The following POPDC1 variants were observed in gnomAD, a reference collection of about 807,000 sequenced individuals.
POPDC1 encodes the protein popeye domain-containing protein 1.
chr6:105,133,247 T>C, the POPDC1 span: 1 of 858,672 alleles, frequency 1.2e-6, no homozygotes, highest in South Asian at 1.8e-5. Flanking sequence ...TTACATTTTT[T>C]GGCTTGCTAT....
the POPDC1 span, among the ~76,000 whole-genome samples, chr6:105,120,765 A>C: frequency 6.6e-6 from 1 of 152,244 alleles, no homozygotes; most frequent in Non-Finnish European, 1.5e-5. Context: ...GGGATCTGCC[A>C]CATGTGCTAG....
At chr6:105,131,334 T>C in the POPDC1 span, among the ~76,000 whole-genome samples, 8,300 of 152,310 alleles carry the variant, frequency 0.054, 249 homozygotes, top group Middle Eastern at 0.15. Context: ...AATGGGAGGA[T>C]AGAGAAAAAC....
At chr6:105,132,399 G>A in the POPDC1 span, among the ~76,000 whole-genome samples, 1 of 152,068 alleles carries the variant, frequency 6.6e-6, no homozygotes, top group African/African-American at 2.4e-5. Context: ...CAAAATCCAG[G>A]TCCCATGTCA....
chr6:105,131,966 C>CT, the POPDC1 span, among the ~76,000 whole-genome samples: 8,931 of 136,094 alleles, frequency 0.066, 575 homozygotes, highest in African/African-American at 0.16. Flanking sequence ...TCATTTATCA[C>CT]TTTTTTTTTT....
the POPDC1 span, among the ~76,000 whole-genome samples, chr6:105,111,009 A>G: frequency 3.9e-5 from 6 of 152,316 alleles, no homozygotes; most frequent in South Asian, 1.2e-3. Context: ...CTTGACACTA[A>G]TAACAAACAA....
At chr6:105,135,081 T>C in the POPDC1 span, among the ~76,000 whole-genome samples, 2 of 152,042 alleles carry the variant, frequency 1.3e-5, no homozygotes, top group Non-Finnish European at 2.9e-5. Context: ...ATTACATAGG[T>C]TAATAATAAC....
At chr6:105,113,831 T>A in the POPDC1 span, among the ~76,000 whole-genome samples, 4 of 146,936 alleles carry the variant, frequency 2.7e-5, no homozygotes, top group East Asian at 2.0e-4. Flanking sequence ...TTTTTTTTTT[T>A]ATAGAGACAA....
the POPDC1 span, chr6:105,100,879 C>T: frequency 5.0e-6 from 2 of 397,594 alleles, no homozygotes; most frequent in Non-Finnish European, 8.7e-6. Flanking sequence ...AGTCAGAAGG[C>T]TCAGTAAAAC....
the POPDC1 span, among the ~76,000 whole-genome samples, chr6:105,135,904 G>A: frequency 6.6e-6 from 1 of 152,156 alleles, no homozygotes; most frequent in Non-Finnish European, 1.5e-5. Flanking sequence ...AGGTTAGACT[G>A]CTAAATTGGT....
the POPDC1 span, among the ~76,000 whole-genome samples, chr6:105,134,169 A>G: frequency 6.6e-6 from 1 of 152,122 alleles, no homozygotes; most frequent in East Asian, 1.9e-4. Context: ...ATATATGCAA[A>G]TAATATATAG....
the POPDC1 span, among the ~76,000 whole-genome samples, chr6:105,102,916 A>G: frequency 6.6e-6 from 1 of 152,220 alleles, no homozygotes; most frequent in Non-Finnish European, 1.5e-5. Context: ...TTTACAGCAA[A>G]AATACTGAGT....
chr6:105,106,100 G>A, the POPDC1 span, among the ~76,000 whole-genome samples: 1 of 151,922 alleles, frequency 6.6e-6, no homozygotes, highest in Admixed American at 6.6e-5. Flanking sequence ...TTTTTTTTCT[G>A]TTAGCTATAA....
At chr6:105,112,596 AT>A in the POPDC1 span, among the ~76,000 whole-genome samples, 1 of 152,232 alleles carries the variant, frequency 6.6e-6, no homozygotes, top group South Asian at 2.1e-4. Context: ...AAAAATTTTA[AT>A]TGAAATGGAT....
At chr6:105,111,166 A>T in the POPDC1 span, among the ~76,000 whole-genome samples, 1 of 152,210 alleles carries the variant, frequency 6.6e-6, no homozygotes, top group Non-Finnish European at 1.5e-5. Context: ...TGCATTGCCT[A>T]CATTGTCTTG....
chr6:105,101,193 G>A, the POPDC1 span: 14 of 1,612,124 alleles, frequency 8.7e-6, no homozygotes, highest in South Asian at 4.4e-5. Flanking sequence ...GCAGAGGCTC[G>A]CTGGTGTGGG....
At chr6:105,123,965 T>C in the POPDC1 span, among the ~76,000 whole-genome samples, 1 of 152,162 alleles carries the variant, frequency 6.6e-6, no homozygotes, top group Admixed American at 6.6e-5. Flanking sequence ...TAAGATGTTT[T>C]CTATAGAAAA....
At chr6:105,109,326 T>C in the POPDC1 span, among the ~76,000 whole-genome samples, 12 of 152,298 alleles carry the variant, frequency 7.9e-5, no homozygotes, top group South Asian at 2.3e-3. Flanking sequence ...TATTGTTTAA[T>C]GTTACAAAGT....
chr6:105,100,845 A>T, the POPDC1 span: 2,714 of 297,920 alleles, frequency 9.1e-3, 26 homozygotes, highest in African/African-American at 0.03. Flanking sequence ...GTGAAAATAT[A>T]TATCTCAAAA....
the POPDC1 span, among the ~76,000 whole-genome samples, chr6:105,118,011 C>T: frequency 6.6e-6 from 1 of 152,294 alleles, no homozygotes; most frequent in Admixed American, 6.5e-5. Context: ...CACACCACTA[C>T]ACTCGATCAT....
Sources: gnomAD v4.1 joint callset for allele counts (sites outside exome capture counted in the v4.1 genomes callset) on GRCh38, gnomAD v4.1.1 for gene constraint, MANE v1.5 for transcripts, NCBI Gene and HGNC (gene_info 2026-07-23, HGNC 2026-07-21) for gene names.